The following PCDHA4 variants were observed in gnomAD, a reference collection of about 807,000 sequenced individuals.
The protein encoded by PCDHA4 is protocadherin alpha 4.
Under a neutral mutation model 61.4 loss-of-function variants are expected in PCDHA4, and 49 were observed. The observed-to-expected ratio is 0.80, with a 90% CI of 0.63 to 1.01. The LOEUF (loss-of-function observed/expected upper bound fraction) is 1.01, where lower values mean the gene tolerates loss of function less well. Among genes scored for constraint, PCDHA4 ranks in the 50% least tolerant of loss-of-function variants. PCDHA4 has a pLI of 0.00. For missense variants in PCDHA4, 1,254 were observed against 1,235.8 expected (o/e 1.01, Z -0.22); for synonymous variants, 590 against 550.3 (o/e 1.07, Z -1.01).
intron 1 of PCDHA4, chr5:140,881,225 T>C (rs1026658425): frequency 9.3e-5 from 25 of 267,532 alleles, no homozygotes; most frequent in Non-Finnish European, 1.4e-4. Context: ...TCTTGGAAAA[T>C]TAAAGTCAAT....
intron 1 of PCDHA4, chr5:140,828,088 T>A (rs2150150812): frequency 6.3e-7 from 1 of 1,592,494 alleles, no homozygotes; most frequent in Non-Finnish European, 8.6e-7. Context: ...CAGAGGTATT[T>A]GACATGGTGT....
intron 1 of PCDHA4, chr5:140,876,592 G>A (rs1469576623): frequency 1.2e-6 from 2 of 1,614,164 alleles, no homozygotes; most frequent in Middle Eastern, 1.6e-4. Flanking sequence ...CCTGATTAGC[G>A]TGTCGGATCG....
At chr5:140,907,517 G>C (rs1174112923) in intron 1 of PCDHA4, among the ~76,000 whole-genome samples, 1 of 152,192 alleles carries the variant, frequency 6.6e-6, no homozygotes, top group Non-Finnish European at 1.5e-5. Flanking sequence ...TTCCAGTGAG[G>C]ACAAATCGCT....
intron 1 of PCDHA4, chr5:140,841,422 C>T: frequency 6.2e-7 from 1 of 1,612,994 alleles, no homozygotes; most frequent in East Asian, 2.2e-5. Context: ...CTCCACTACT[C>T]CGTCCCCGAG....
At position 140,968,861 on chromosome 5, in the gene PCDHA4, C is replaced by G; in HGVS notation, c.2386-10088C>G. 1.9e-6 allele frequency: 3 copies of G among 1,614,182 alleles called. No homozygotes were observed. In the South Asian group the frequency reaches 3.3e-5, roughly 18 times the overall value. ...CACTCAGAGGCATGTTAAGAGCCCT[C>G]GGACATACTCTGAAATTACCCTTTA... is the stretch of plus-strand genomic sequence containing the variant. On this transcript the variant is annotated intron_variant, in intron 1 of 3. Coordinates refer to ENST00000530339, the MANE Select transcript of PCDHA4 (RefSeq NM_018907.4).
intron 1 of PCDHA4, chr5:140,857,210 C>T (rs2044424463): frequency 1.3e-6 from 2 of 1,598,628 alleles, no homozygotes; most frequent in East Asian, 4.5e-5. Flanking sequence ...CACCTGCTCT[C>T]TGACGCCTCA....
chr5:140,857,873 G>C, intron 1 of PCDHA4: 1 of 1,597,876 alleles, frequency 6.3e-7, no homozygotes, highest in Non-Finnish European at 8.6e-7. Flanking sequence ...GCTGTCGTAT[G>C]AATTGCAGTC....
rs868923213 is a variant in PCDHA4 at position 140,920,059 on chromosome 5, G to C, written c.2386-58890G>C. 3.9e-5 allele frequency among the ~76,000 whole-genome samples: 6 copies of C among 152,144 alleles called. No individual in the cohort carries two copies. The South Asian group carries it at 6.2e-4, about 16-fold the overall frequency. The stretch of plus-strand genomic sequence containing the variant: ...GTGATGTCAACAGCCACCAACACCT[G>C]GAAAAGGCAGAAACAGATTCTCCGT... On this transcript the variant is annotated intron_variant, in intron 1 of 3. Transcript: ENST00000530339.
intron 3 of PCDHA4, among the ~76,000 whole-genome samples, chr5:141,002,446 G>T (rs1456078562): frequency 1.3e-5 from 2 of 152,156 alleles, no homozygotes; most frequent in Admixed American, 6.5e-5. Context: ...ATAATAATTG[G>T]CACATTTGTA....
At chr5:140,812,222 T>G (rs1554125926) in intron 1 of PCDHA4, 1 of 152,036 alleles carries the variant, frequency 6.6e-6, no homozygotes, top group Non-Finnish European at 1.5e-5. Flanking sequence ...TTTAGATTTT[T>G]TATGATTATG....
Position 140,850,752 on chromosome 5 carries a change from C to G in PCDHA4, c.2385+41180C>G. On this transcript the variant is annotated intron_variant, in intron 1 of 3. Transcript: ENST00000530339. ...GGTGGGGAGTTGGTCGTACTCGCAG[C>G]AGAGGAGGCAGAGGGTGTGCTCTGG... is the stretch of plus-strand genomic sequence containing the variant. The G allele has an allele frequency of 1.3e-6, 2 of 1,597,900 alleles. 1 individual carries two copies. Among genetic ancestry groups the G allele is most frequent in the Non-Finnish European group, 1.7e-6 (2 of 1,167,560 alleles).
rs782636095 is a variant in PCDHA4 at position 140,809,047 on chromosome 5, C to G, written c.1860C>G (p.Ile620Met). Residue 620 changes from isoleucine (I) to methionine (M), a missense_variant, in exon 1 of 4, where the codon ATC becomes ATG. By Grantham distance (10) the Ile-to-Met change is conservative. Transcript: ENST00000530339. The part of the protein sequence containing the change: ...ELQPGTGGAR[I>M]PFRVGLYTGE... ...AGCCGGGGACTGGTGGCGCGCGCAT[C>G]CCGTTCCGCGTGGGGCTGTACACTG... 9.3e-6 allele frequency: 15 copies of G among 1,613,918 alleles called. No homozygotes were observed. The highest frequency in any genetic ancestry group is 1.3e-5 in the Non-Finnish European group (15 of 1,179,896).
intron 1 of PCDHA4, among the ~76,000 whole-genome samples, chr5:140,953,962 T>C (rs2153701012): frequency 6.6e-6 from 1 of 152,196 alleles, no homozygotes; most frequent in Admixed American, 6.5e-5. Flanking sequence ...CAGGCCCCAG[T>C]GTGTGTTGTT....
chr5:140,881,743 A>C (rs964884426), intron 1 of PCDHA4, among the ~76,000 whole-genome samples: 4 of 152,182 alleles, frequency 2.6e-5, no homozygotes, highest in African/African-American at 9.7e-5. Flanking sequence ...CAGGAAGAGG[A>C]CAGTACCACA....
chr5:141,004,869 A>T (rs908726845), intron 3 of PCDHA4, among the ~76,000 whole-genome samples: 3 of 152,218 alleles, frequency 2.0e-5, no homozygotes, highest in Non-Finnish European at 2.9e-5. Flanking sequence ...TTTGTTTCTC[A>T]TCCCTAAAGT....
At chr5:140,836,907 C>T in intron 1 of PCDHA4, 1 of 583,884 alleles carries the variant, frequency 1.7e-6, no homozygotes, top group Non-Finnish European at 2.8e-6. Context: ...GTTTAATATA[C>T]ACTTTTGTTT....
chr5:140,870,061 C>G, intron 1 of PCDHA4: 1 of 1,613,758 alleles, frequency 6.2e-7, no homozygotes, highest in Non-Finnish European at 8.5e-7. Flanking sequence ...AATTGAAGTA[C>G]AGGCTACAGA....
intron 1 of PCDHA4, chr5:140,877,875 C>T (rs2057379478): frequency 6.8e-7 from 1 of 1,475,090 alleles, no homozygotes; most frequent in Non-Finnish European, 9.0e-7. Context: ...TATTTGTTTC[C>T]TTGAAGAACT....
In PCDHA4 at chr5:140,807,192, A is replaced by ACTCC. The variant is rs1554123783; in HGVS notation, c.5_6insCTCC (p.Glu2AspfsTer127). ...ACAAAATACTGTGCACTAAAGATGG[A>ACTCC]GTTTTCCTGGGGAAGCGGCCAGGAA... On this transcript the variant is annotated frameshift_variant, in exon 1 of 4. Coordinates refer to ENST00000530339, the MANE Select transcript of PCDHA4 (RefSeq NM_018907.4). LOFTEE classifies it high-confidence loss of function. 1.2e-6 allele frequency: 2 copies of ACTCC among 1,613,220 alleles called. No homozygotes were observed. Among genetic ancestry groups the ACTCC allele is most frequent in the African/African-American group, 2.7e-5 (2 of 74,884 alleles).
Sources: gnomAD v4.1 joint callset for allele counts (sites outside exome capture counted in the v4.1 genomes callset) on GRCh38, gnomAD v4.1.1 for gene constraint, MANE v1.5 for transcripts, NCBI Gene and HGNC (gene_info 2026-07-23, HGNC 2026-07-21) for gene names.